Variants in ARHGAP6 observed in about 807,000 individuals in gnomAD.
ARHGAP6 encodes the protein rho GTPase-activating protein 6.
Under a neutral mutation model 55.7 loss-of-function variants are expected in ARHGAP6, and 16 were observed. The observed-to-expected ratio is 0.29, with a 90% CI of 0.19 to 0.44. The LOEUF is 0.44. Among genes scored for constraint, ARHGAP6 ranks in the 20% least tolerant of loss-of-function variants. ARHGAP6 has a pLI of 1.00. For synonymous variants in ARHGAP6, 382 were observed against 360.9 expected (o/e 1.06, Z -0.66); for missense variants, 698 against 808.9 (o/e 0.86, Z 1.66).
chrX:11,169,935 G>A (rs1331168282), intron 8 of ARHGAP6, among the ~76,000 whole-genome samples: 1 of 110,401 alleles, frequency 9.1e-6, no homozygotes, highest in Non-Finnish European at 1.9e-5. Flanking sequence ...GTTGTTTATT[G>A]TAAAATGGGT....
intron 1 of ARHGAP6, among the ~76,000 whole-genome samples, chrX:11,359,368 T>C (rs2048979112): frequency 8.9e-6 from 1 of 112,559 alleles, no homozygotes; most frequent in Non-Finnish European, 1.9e-5. Flanking sequence ...TAAGAAACTT[T>C]GTTAGATAAT....
At chrX:11,163,381 G>A (rs1457987055) in intron 9 of ARHGAP6, among the ~76,000 whole-genome samples, 2 of 111,637 alleles carry the variant, frequency 1.8e-5, no homozygotes, top group African/African-American at 6.5e-5. Flanking sequence ...GAGAAAAGTG[G>A]TATGAGTTGA....
intron 2 of ARHGAP6, among the ~76,000 whole-genome samples, chrX:11,252,397 C>T (rs766084145): frequency 2.7e-5 from 3 of 112,356 alleles, no homozygotes; most frequent in South Asian, 3.7e-4. Context: ...ACTCTTGGCC[C>T]GGGCCCCACA....
intron 1 of ARHGAP6, among the ~76,000 whole-genome samples, chrX:11,528,456 TC>T (rs1309427940): frequency 1.8e-5 from 2 of 109,866 alleles, no homozygotes; most frequent in East Asian, 5.7e-4. Context: ...CTGTGTAGAT[TC>T]TACCGATTCT....
intron 1 of ARHGAP6, among the ~76,000 whole-genome samples, chrX:11,261,258 G>C (rs1170558264): frequency 2.7e-5 from 3 of 111,424 alleles, no homozygotes; most frequent in Admixed American, 9.5e-5. Flanking sequence ...ACGCGGGGAA[G>C]AGTTAATCCG....
intron 1 of ARHGAP6, among the ~76,000 whole-genome samples, chrX:11,563,096 T>C (rs1220005735): frequency 9.0e-6 from 1 of 111,308 alleles, no homozygotes. Flanking sequence ...AAATGCATAA[T>C]TATAACCACA....
At chrX:11,656,674 T>C (rs922472492) in intron 1 of ARHGAP6, among the ~76,000 whole-genome samples, 3 of 111,552 alleles carry the variant, frequency 2.7e-5, no homozygotes, top group Non-Finnish European at 5.7e-5. Context: ...CTCTGCCTAC[T>C]TTCATCCTCA....
At position 11,517,956 on chromosome X, in the gene ARHGAP6, A is replaced by T. The variant is rs182695364; in HGVS notation, c.588+146285T>A. On this transcript the variant is annotated intron_variant, in intron 1 of 12. Transcript: ENST00000337414. ...CTATGTAACAAACCTGCACATCCGC[A>T]CATGTACCCCGGAATTTAAAATAAA... Among the ~76,000 whole-genome samples the T allele has an allele frequency of 8.4e-3, 932 of 111,121 alleles. 2 individuals carry two copies. The highest frequency in any genetic ancestry group is 0.012 in the Non-Finnish European group (662 of 53,031).
chrX:11,401,065 T>C (rs969749715), intron 1 of ARHGAP6, among the ~76,000 whole-genome samples: 1 of 112,230 alleles, frequency 8.9e-6, no homozygotes, highest in Non-Finnish European at 1.9e-5. Context: ...CTGCTTGGCC[T>C]TGATGGCAGG....
At chrX:11,269,709 A>C (rs2047670724) in intron 1 of ARHGAP6, among the ~76,000 whole-genome samples, 1 of 112,018 alleles carries the variant, frequency 8.9e-6, no homozygotes, top group African/African-American at 3.2e-5. Flanking sequence ...CCATCAGTTT[A>C]ACCATCAGAC....
At chrX:11,223,646 G>C (rs1293452814) in intron 2 of ARHGAP6, among the ~76,000 whole-genome samples, 1 of 111,771 alleles carries the variant, frequency 8.9e-6, no homozygotes, top group Non-Finnish European at 1.9e-5. Flanking sequence ...TCGTAAATAG[G>C]TTATCTATTT....
intron 1 of ARHGAP6, among the ~76,000 whole-genome samples, chrX:11,313,104 C>T (rs1045342146): frequency 1.8e-5 from 2 of 112,408 alleles, no homozygotes; most frequent in African/African-American, 6.5e-5. Flanking sequence ...TTCCATTTTA[C>T]AATGAGGAAG....
intron 1 of ARHGAP6, among the ~76,000 whole-genome samples, chrX:11,624,730 T>A (rs1310169138): frequency 9.0e-6 from 1 of 111,564 alleles, no homozygotes; most frequent in Non-Finnish European, 1.9e-5. Context: ...TTTTTGTATT[T>A]TTAGTAGAGA....
intron 1 of ARHGAP6, among the ~76,000 whole-genome samples, chrX:11,281,515 C>A (rs1363035950): frequency 9.0e-6 from 1 of 110,938 alleles, no homozygotes; most frequent in African/African-American, 3.3e-5. Flanking sequence ...CAGTGAGCAA[C>A]TGGCTAACTA....
chrX:11,181,988 T>A, intron 6 of ARHGAP6, 75 bp downstream of exon 6: 2 of 831,465 alleles, frequency 2.4e-6, no homozygotes, highest in Non-Finnish European at 3.5e-6. Flanking sequence ...GGAATTTGCA[T>A]AAACTTGAAC....
rs982304229 is a variant in ARHGAP6 at position 11,588,360 on chromosome X, T to C, written c.588+75881A>G. 3.6e-5 allele frequency among the ~76,000 whole-genome samples: 4 copies of C among 112,133 alleles called. No homozygotes were observed. The East Asian group carries it at 1.1e-3, about 31-fold the overall frequency. The stretch of plus-strand genomic sequence containing the variant: ...GCAGCTTTGCAAAATGGTTTGCCAA[T>C]TCCTCCAAAGCTTAGAAACATAATA... On this transcript the variant is annotated intron_variant, in intron 1 of 12. Coordinates refer to ENST00000337414, the MANE Select transcript of ARHGAP6 (RefSeq NM_013427.3).
chrX:11,449,850 C>T (rs1341455048), intron 1 of ARHGAP6, among the ~76,000 whole-genome samples: 1 of 111,839 alleles, frequency 8.9e-6, no homozygotes, highest in East Asian at 2.8e-4. Flanking sequence ...AGTAAACATA[C>T]GTGGACTGAC....
At chrX:11,155,678 T>G (rs2045854590) in intron 10 of ARHGAP6, among the ~76,000 whole-genome samples, 1 of 112,155 alleles carries the variant, frequency 8.9e-6, no homozygotes, top group Non-Finnish European at 1.9e-5. Context: ...TGCTGAAATT[T>G]AGTAGGTTAA....
In ARHGAP6 at chrX:11,473,328, T is replaced by A. The variant is rs189090285; in HGVS notation, c.588+190913A>T. Among the ~76,000 whole-genome samples, 6 of 111,789 alleles carry A rather than the reference T, an allele frequency of 5.4e-5. No individual in the cohort carries two copies. The East Asian group carries it at 1.7e-3, about 32-fold the overall frequency. On this transcript the variant is annotated intron_variant, in intron 1 of 12. Transcript: ENST00000337414. ...GATTGAAATCACGGGTTGAATTGTG[T>A]CTCCCAAAAAGATATGGTCAAGTCC... is the stretch of plus-strand genomic sequence containing the variant.
Sources: gnomAD v4.1 joint callset for allele counts (sites outside exome capture counted in the v4.1 genomes callset) on GRCh38, gnomAD v4.1.1 for gene constraint, MANE v1.5 for transcripts, NCBI Gene and HGNC (gene_info 2026-07-23, HGNC 2026-07-21) for gene names.